The following CNTNAP2 variants were observed in gnomAD, a reference collection of about 807,000 sequenced individuals.
The protein encoded by CNTNAP2 is contactin-associated protein-like 2.
A neutral mutation model predicts 155.2 loss-of-function variants in CNTNAP2; 98 were observed. The observed-to-expected ratio is 0.63, with a 90% confidence interval of 0.54 to 0.75. CNTNAP2 has a LOEUF of 0.75. CNTNAP2 is among the 30% of genes least tolerant of loss of function. CNTNAP2 has a pLI of 0.00. For missense variants in CNTNAP2, 1,727 were observed against 1,688.1 expected (o/e 1.02, Z -0.40); for synonymous variants, 651 against 631.2 (o/e 1.03, Z -0.47).
chr7:147,316,578 A>G (rs1359427442), intron 9 of CNTNAP2, among the ~76,000 whole-genome samples: 2 of 152,218 alleles, frequency 1.3e-5, no homozygotes, highest in Non-Finnish European at 2.9e-5. Context: ...GCCCTCAATC[A>G]CTTATTAAAA....
chr7:146,803,881 C>T (rs990998626), intron 2 of CNTNAP2, among the ~76,000 whole-genome samples: 1 of 152,108 alleles, frequency 6.6e-6, no homozygotes, highest in African/African-American at 2.4e-5. Flanking sequence ...TTCTTCATCC[C>T]GTTTTCCTGT....
intron 21 of CNTNAP2, among the ~76,000 whole-genome samples, chr7:148,355,914 C>T (rs1274419144): frequency 6.6e-6 from 1 of 152,210 alleles, no homozygotes; most frequent in Non-Finnish European, 1.5e-5. Flanking sequence ...AGAGCCAGCG[C>T]TGCGTATTGG....
chr7:146,839,703 A>G lies in CNTNAP2; in HGVS notation c.209-8A>G. On this transcript the variant is annotated splice_region_variant and splice_polypyrimidine_tract_variant and intron_variant, in intron 2 of 23. Transcript: ENST00000361727. ...TCATTTTCCCATCTTACCTCTGCCC[A>G]TCTTCAGGTGCTGGGGGATGGTCTC... 2 of 1,614,162 alleles carry G rather than the reference A, an allele frequency of 1.2e-6. No homozygotes were observed. Among genetic ancestry groups the G allele is most frequent in the Non-Finnish European group, 1.7e-6 (2 of 1,180,002 alleles).
At chr7:146,209,747 CAATT>C (rs377500599) in intron 1 of CNTNAP2, among the ~76,000 whole-genome samples, 4 of 152,034 alleles carry the variant, frequency 2.6e-5, no homozygotes, top group East Asian at 1.9e-4. Flanking sequence ...TGTAATCAAT[CAATT>C]AATTCAAACT....
At chr7:146,502,063 A>C (rs1359405007) in intron 1 of CNTNAP2, among the ~76,000 whole-genome samples, 1 of 151,600 alleles carries the variant, frequency 6.6e-6, no homozygotes, top group African/African-American at 2.4e-5. Context: ...TGAAGTGAAT[A>C]TTTTTAGCAT....
chr7:147,236,023 C>T (rs1803796340), intron 8 of CNTNAP2, among the ~76,000 whole-genome samples: 1 of 152,190 alleles, frequency 6.6e-6, no homozygotes, highest in South Asian at 2.1e-4. Flanking sequence ...TCTTTTCCAA[C>T]TGGAAAAATC....
At chr7:147,173,017 AATTTG>A (rs1802263697) in intron 8 of CNTNAP2, among the ~76,000 whole-genome samples, 2 of 152,206 alleles carry the variant, frequency 1.3e-5, no homozygotes, top group Non-Finnish European at 2.9e-5. Context: ...CACAGGCTAT[AATTTG>A]ATGTAATATT....
intron 4 of CNTNAP2, among the ~76,000 whole-genome samples, chr7:147,076,273 C>A (rs937028906): frequency 2.0e-5 from 3 of 152,200 alleles, no homozygotes; most frequent in Admixed American, 6.5e-5. Context: ...TCCTATTTCT[C>A]CACATCCTCT....
At chr7:148,277,413 C>T (rs12540404) in intron 21 of CNTNAP2, among the ~76,000 whole-genome samples, 85,033 of 151,892 alleles carry the variant, frequency 0.56, 25,352 homozygotes, top group East Asian at 0.75. Context: ...AAGTCTCTTT[C>T]GCATCCTCCG....
In CNTNAP2 at chr7:146,199,781, AC is replaced by A. The variant is rs200369616; in HGVS notation, c.97+82809del. Among the ~76,000 whole-genome samples, 170 of 152,324 alleles carry A rather than the reference AC, an allele frequency of 1.1e-3. 4 individuals are homozygous for A. In the East Asian group the frequency reaches 0.032, roughly 29 times the overall value. On this transcript the variant is annotated intron_variant, in intron 1 of 23. Transcript: ENST00000361727. ...TGAAAGGTGATGTAGAATCAATGTGACAATGTAATTCATTTACCTTTTAATA... is the reference window on the plus strand; with the variant it reads ...TGAAAGGTGATGTAGAATCAATGTGAAATGTAATTCATTTACCTTTTAATA...
intron 18 of CNTNAP2, among the ~76,000 whole-genome samples, chr7:148,179,401 G>A (rs545051356): frequency 3.8e-4 from 58 of 152,196 alleles, no homozygotes; most frequent in African/African-American, 1.4e-3. Flanking sequence ...CAGCTACTTG[G>A]GAGGCTGAGA....
At chr7:147,515,190 C>T (rs1262651226) in intron 11 of CNTNAP2, among the ~76,000 whole-genome samples, 1 of 152,126 alleles carries the variant, frequency 6.6e-6, no homozygotes, top group African/African-American at 2.4e-5. Flanking sequence ...CCATCAACTC[C>T]ATCCAGTCAT....
intron 10 of CNTNAP2, among the ~76,000 whole-genome samples, chr7:147,403,427 AATTG>A (rs2116472219): frequency 6.6e-6 from 1 of 152,228 alleles, no homozygotes; most frequent in Non-Finnish European, 1.5e-5. Flanking sequence ...AAATAAACTA[AATTG>A]ATTGAGACTT....
At chr7:147,174,184 A>T (rs1030239692) in intron 8 of CNTNAP2, among the ~76,000 whole-genome samples, 3 of 152,268 alleles carry the variant, frequency 2.0e-5, no homozygotes, top group East Asian at 1.9e-4. Context: ...TGAATTTTTT[A>T]AAACTTTCAT....
chr7:147,022,054 G>A lies in CNTNAP2; in HGVS notation c.403-21853G>A, dbSNP rs10278118. Among the ~76,000 whole-genome samples, 209 of 151,062 alleles carry A rather than the reference G, an allele frequency of 1.4e-3. 1 individual carries two copies. The highest frequency in any genetic ancestry group is 4.9e-3 in the African/African-American group (202 of 41,096). On this transcript the variant is annotated intron_variant, in intron 3 of 23. Transcript: ENST00000361727. ...TATATGAAATATTCTATACTCTTTT[G>A]GCCACTTTAGCTGTCCTGTAGACCC...
chr7:147,993,566 G>A (rs1031640274), intron 15 of CNTNAP2, among the ~76,000 whole-genome samples: 13 of 152,276 alleles, frequency 8.5e-5, no homozygotes, highest in East Asian at 7.7e-4. Flanking sequence ...GGGCAGTGTC[G>A]ATAAGAAAGC....
intron 3 of CNTNAP2, among the ~76,000 whole-genome samples, chr7:147,035,526 A>G (rs897189092): frequency 3.3e-5 from 5 of 152,224 alleles, no homozygotes; most frequent in African/African-American, 4.8e-5. Flanking sequence ...TATGTGTTTC[A>G]ATGCCACAGA....
Position 146,417,852 on chromosome 7 carries a change from A to C in CNTNAP2, c.97+300879A>C, listed in dbSNP as rs1795959279. On this transcript the variant is annotated intron_variant, in intron 1 of 23. Transcript: ENST00000361727. ...CATAAATCATAAACATCTTCACCAG[A>C]AAGTTTTCACTTATTCATTCATTTA... Among the ~76,000 whole-genome samples, 3 of 152,292 alleles carry C rather than the reference A, an allele frequency of 2.0e-5. No individual in the cohort carries two copies. In the South Asian group the frequency reaches 6.2e-4, roughly 32 times the overall value.
At chr7:146,834,536 A>G (rs960199173) in intron 2 of CNTNAP2, among the ~76,000 whole-genome samples, 2 of 152,202 alleles carry the variant, frequency 1.3e-5, no homozygotes, top group African/African-American at 4.8e-5. Flanking sequence ...GGGAAGAGAG[A>G]GCACAGAAGA....
Sources: gnomAD v4.1 joint callset for allele counts (sites outside exome capture counted in the v4.1 genomes callset) on GRCh38, gnomAD v4.1.1 for gene constraint, MANE v1.5 for transcripts, NCBI Gene and HGNC (gene_info 2026-07-23, HGNC 2026-07-21) for gene names.